The following SCIN variants were observed in gnomAD, a reference collection of about 807,000 sequenced individuals.
The protein encoded by SCIN is scinderin.
In SCIN, 91 loss-of-function variants were observed where a neutral mutation model predicts 91.8. The ratio of observed to expected loss-of-function variants is 0.99; its 90% CI spans 0.84 to 1.18. SCIN has a LOEUF of 1.18. Ranked by LOEUF, SCIN falls within the 50% of genes most tolerant of loss-of-function variation. SCIN has a pLI of 0.00. For synonymous variants in SCIN, 367 were observed against 312.6 expected, an observed-to-expected ratio of 1.17 and a Z score of -1.84; for missense variants, 1,087 against 863.9, an observed-to-expected ratio of 1.26 and a Z score of -3.24.
In SCIN at chr7:12,570,852, G is replaced by T. The variant is rs1782250950; in HGVS notation, c.66G>T (p.Trp22Cys). Reference sequence around the variant, plus strand: ...GCAAGCAGGCGGGGCTGCAGGTCTGGAGGATTGAGAAGCTGGAGCTGGTGC... The same window carrying T: ...GCAAGCAGGCGGGGCTGCAGGTCTGTAGGATTGAGAAGCTGGAGCTGGTGC... ...RAGKQAGLQV[W>C]RIEKLELVPV... Residue 22 changes from tryptophan to cysteine, a missense_variant, in exon 1 of 16, where the codon TGG (tryptophan) becomes TGT (cysteine). Coordinates refer to ENST00000297029, the MANE Select transcript of SCIN (RefSeq NM_001112706.3). 2 of 1,551,522 alleles carry T rather than the reference G, an allele frequency of 1.3e-6. No homozygotes were observed. Among genetic ancestry groups the T allele is most frequent in the Admixed American group, 2.0e-5 (1 of 50,988 alleles).
chr7:12,639,464 A>G (rs943411422), intron 10 of SCIN, among the ~76,000 whole-genome samples: 3 of 152,240 alleles, frequency 2.0e-5, no homozygotes, highest in Non-Finnish European at 4.4e-5. Context: ...CTAGAAAAAG[A>G]CAAACCAGGG....
intron 3 of SCIN, among the ~76,000 whole-genome samples, chr7:12,594,764 T>C (rs964422176): frequency 4.6e-5 from 7 of 151,972 alleles, no homozygotes; most frequent in Non-Finnish European, 8.8e-5. Context: ...GCAGGCCTTG[T>C]ATGGAATAGA....
chr7:12,578,301 C>G lies in SCIN; in HGVS notation c.354+83C>G, dbSNP rs1174049638. ...CTCCTGTCTTCATAGAATGACAGTT[C>G]GTTGAGGGCAGGGGTTTTTGTTTTA... On this transcript the variant is annotated intron_variant, in intron 2 of 15. Coordinates refer to ENST00000297029, the MANE Select transcript of SCIN (RefSeq NM_001112706.3). The G allele has an allele frequency of 5.5e-6, 7 of 1,274,402 alleles. No homozygotes were observed. In the South Asian group the frequency reaches 1.1e-4, roughly 19 times the overall value. 78.9% of individuals were successfully genotyped at this position (1,274,402 alleles called of 1,614,324 possible).
Position 12,647,100 on chromosome 7 carries a change from A to G in SCIN, c.1882-2367A>G, listed in dbSNP as rs140302862. Among the ~76,000 whole-genome samples, 6 of 152,344 alleles carry G rather than the reference A, an allele frequency of 3.9e-5. No homozygotes were observed. The East Asian group carries it at 9.6e-4, about 24-fold the overall frequency. ...ATTAGAATTATTTATTAACATTGCTATAAATTAGTTGTTTGTTTCCAAGAA... is the reference window on the plus strand; with the variant it reads ...ATTAGAATTATTTATTAACATTGCTGTAAATTAGTTGTTTGTTTCCAAGAA... On this transcript the variant is annotated intron_variant, in intron 13 of 15. Transcript: ENST00000297029.
intron 4 of SCIN, 49 bp from the exon 5 acceptor site, chr7:12,622,752 C>A: frequency 1.6e-6 from 2 of 1,263,546 alleles, no homozygotes; most frequent in South Asian, 2.4e-5. Context: ...ACTCTGCATC[C>A]TTCAATGGGA....
chr7:12,575,525 A>T (rs1422361400), intron 1 of SCIN, among the ~76,000 whole-genome samples: 1 of 152,028 alleles, frequency 6.6e-6, no homozygotes, highest in African/African-American at 2.4e-5. Flanking sequence ...GTTCCTCTCT[A>T]TTCCTAATTT....
chr7:12,652,894 G>A lies in SCIN; in HGVS notation c.*179G>A. ...TGAGGTAGGCGGATCACTGGGGTCAGGATTTCGAGACCAGCCTGGCCAACA... is the reference window on the plus strand; with the variant it reads ...TGAGGTAGGCGGATCACTGGGGTCAAGATTTCGAGACCAGCCTGGCCAACA... On this transcript the variant is annotated 3_prime_UTR_variant, in exon 16 of 16. Transcript: ENST00000297029. The A allele has an allele frequency of 1.5e-6, 1 of 655,978 alleles. No homozygotes were observed. Among genetic ancestry groups the A allele is most frequent in the Admixed American group, 3.3e-5 (1 of 30,062 alleles). The allele number at this position is 655,978 out of a possible 1,614,324, so 40.6% of individuals were successfully genotyped here.
At chr7:12,649,410 T>C (rs1008349210) in intron 13 of SCIN, 57 bp from the exon 14 acceptor site, 2 of 1,113,984 alleles carry the variant, frequency 1.8e-6, no homozygotes. Context: ...TTCTATCCTA[T>C]GTATTAGAAA....
chr7:12,640,135 A>G (rs529199206), intron 10 of SCIN, among the ~76,000 whole-genome samples: 50 of 152,352 alleles, frequency 3.3e-4, no homozygotes, highest in African/African-American at 1.1e-3. Context: ...ACTCATGGAC[A>G]CCGTGCCTGC....
chr7:12,644,637 CT>C lies in SCIN; in HGVS notation c.1814del (p.Leu605ArgfsTer36). 1 of 1,605,392 alleles carries C rather than the reference CT, an allele frequency of 6.2e-7. No homozygotes were observed. ...AAAAGACTACCAGACCTCACCACTA[CT>C]GGAAACCCAGGCTGAAGACCATCCA... ...GKKDYQTSPL[L>X]ETQAEDHPPR... On this transcript the variant is annotated frameshift_variant, in exon 13 of 16. Transcript: ENST00000297029. LOFTEE classifies it high-confidence loss of function.
In SCIN at chr7:12,652,871, A is replaced by C; in HGVS notation, c.*156A>C. On this transcript the variant is annotated 3_prime_UTR_variant, in exon 16 of 16. Transcript: ENST00000297029. ...GTAATCCCAGCACTTTGAGAGGATG[A>C]GGTAGGCGGATCACTGGGGTCAGGA... 1 of 827,060 alleles carries C rather than the reference A, an allele frequency of 1.2e-6. No individual in the cohort carries two copies. Among genetic ancestry groups the C allele is most frequent in the Non-Finnish European group, 1.8e-6 (1 of 546,416 alleles). 51.2% of individuals were successfully genotyped at this position (827,060 alleles called of 1,614,324 possible). A position where few individuals can be genotyped will look rare whatever the true frequency, so the allele number is the denominator to read the frequency against.
chr7:12,570,961 A>G lies in SCIN; in HGVS notation c.175A>G (p.Thr59Ala), dbSNP rs1281878512. The G allele has an allele frequency of 1.3e-6, 2 of 1,551,142 alleles. No individual in the cohort carries two copies. Among genetic ancestry groups the G allele is most frequent in the Non-Finnish European group, 1.7e-6 (2 of 1,146,768 alleles). The change falls in exon 1 of 16, where the codon ACC (threonine) becomes GCC (alanine). Residue 59 changes from threonine to alanine, a missense_variant. Thr to Ala is a moderately conservative substitution (Grantham distance 58, BLOSUM62 0). Coordinates refer to ENST00000297029, the MANE Select transcript of SCIN (RefSeq NM_001112706.3). ...CACGGCCAAGACGAGCCGAGGCTTC[A>G]CCTACCACCTGCACTTCTGGCTCGG... ...LHTAKTSRGF[T>A]YHLHFWLGKE...
intron 10 of SCIN, among the ~76,000 whole-genome samples, chr7:12,637,311 T>C (rs1415728618): frequency 6.6e-6 from 1 of 152,232 alleles, no homozygotes; most frequent in Non-Finnish European, 1.5e-5. Flanking sequence ...GCGTAAGTTA[T>C]GTTTTGCACA....
chr7:12,647,666 GATT>G (rs1197996575), intron 13 of SCIN, among the ~76,000 whole-genome samples: 2 of 152,290 alleles, frequency 1.3e-5, no homozygotes, highest in Non-Finnish European at 2.9e-5. Flanking sequence ...TTTTTAAAAT[GATT>G]ATGTGATTGG....
intron 10 of SCIN, among the ~76,000 whole-genome samples, chr7:12,636,429 G>A (rs888569513): frequency 1.4e-4 from 22 of 152,102 alleles, no homozygotes; most frequent in Admixed American, 1.4e-3. Flanking sequence ...CATTAAAACG[G>A]TTTTATCTGT....
Position 12,626,694 on chromosome 7 carries a change from A to G in SCIN, c.1092A>G (p.Lys364=), listed in dbSNP as rs562412058. The change falls in exon 8 of 16, where the codon AAA becomes AAG. Residue 364 remains lysine, a synonymous_variant. Coordinates refer to ENST00000297029, the MANE Select transcript of SCIN (RefSeq NM_001112706.3). The stretch of plus-strand genomic sequence containing the variant: ...TCGGGAAAGTTTATGTCACAGAGAA[A>G]GTGGCTCAAATAAAACAAATTCCCT... The part of the protein sequence containing the change: ...DGFGKVYVTE[K]VAQIKQIPFD... 3 of 1,591,054 alleles carry G rather than the reference A, an allele frequency of 1.9e-6. No individual in the cohort carries two copies. The highest frequency in any genetic ancestry group is 1.1e-5 in the South Asian group (1 of 87,288).
At chr7:12,590,767 G>T (rs983428638) in intron 3 of SCIN, among the ~76,000 whole-genome samples, 5 of 152,142 alleles carry the variant, frequency 3.3e-5, no homozygotes, top group Admixed American at 2.6e-4. Context: ...GCTTTAGCTG[G>T]GAGGTGTGTG....
intron 4 of SCIN, among the ~76,000 whole-genome samples, chr7:12,622,007 A>G (rs1409216907): frequency 6.6e-6 from 1 of 151,808 alleles, no homozygotes; most frequent in Non-Finnish European, 1.5e-5. Context: ...TATCTATATT[A>G]TAAAAATTAA....
chr7:12,599,370 AGTGTGTGTGTGTGT>A, intron 3 of SCIN, among the ~76,000 whole-genome samples: 1 of 149,338 alleles, frequency 6.7e-6, no homozygotes, highest in South Asian at 2.1e-4. Context: ...TTTCATGGTG[AGTGTGTGTGTGTGT>A]GTGTGTGTGT....
Sources: allele counts gnomAD v4.1 joint callset (sites outside exome capture counted in the v4.1 genomes callset), GRCh38; gene constraint gnomAD v4.1.1; transcripts MANE v1.5; gene names NCBI Gene and HGNC (gene_info 2026-07-23, HGNC 2026-07-21).